The following ADAMTS18 variants were observed in gnomAD, a reference collection of about 807,000 sequenced individuals.
The protein encoded by ADAMTS18 is A disintegrin and metalloproteinase with thrombospondin motifs 18.
Under a neutral mutation model 165.9 loss-of-function variants are expected in ADAMTS18, and 157 were observed. That is an observed-to-expected ratio of 0.95 (90% confidence interval 0.83 to 1.08). The LOEUF (loss-of-function observed/expected upper bound fraction) is 1.08, where lower values mean the gene tolerates loss of function less well. Among genes scored for constraint, ADAMTS18 ranks in the 50% least tolerant of loss-of-function variants. ADAMTS18 has a pLI of 0.00. For synonymous variants in ADAMTS18, 782 were observed against 578.2 expected (o/e 1.35, Z -5.06); for missense variants, 2,040 against 1,534.0 (o/e 1.33, Z -5.51).
In ADAMTS18 at chr16:77,364,386, G is replaced by A. The variant is rs1332199766; in HGVS notation, c.779-5C>T. ...CTGTGGGAGGCTTGGGAGCATCTAC[G>A]ATGAACAGAAGAGCATTTGGAAGGG... On this transcript the variant is annotated splice_polypyrimidine_tract_variant and splice_region_variant and intron_variant, in intron 4 of 22. Transcript: ENST00000282849. 1.1e-5 allele frequency: 17 copies of A among 1,613,358 alleles called. No individual in the cohort carries two copies. The highest frequency in any genetic ancestry group is 6.7e-5 in the African/African-American group (5 of 74,724).
At chr16:77,412,401 G>A (rs1001065219) in intron 3 of ADAMTS18, among the ~76,000 whole-genome samples, 6 of 151,940 alleles carry the variant, frequency 3.9e-5, no homozygotes, top group East Asian at 1.9e-4. Context: ...TCATACTCAC[G>A]GCAGCCTGCA....
At chr16:77,317,191 G>C (rs757274035) in intron 16 of ADAMTS18, among the ~76,000 whole-genome samples, 4 of 152,008 alleles carry the variant, frequency 2.6e-5, no homozygotes, top group Non-Finnish European at 5.9e-5. Context: ...CATTTGTGTA[G>C]TGCTGTACTG....
At chr16:77,421,348 C>G (rs2057600110) in intron 3 of ADAMTS18, among the ~76,000 whole-genome samples, 1 of 152,182 alleles carries the variant, frequency 6.6e-6, no homozygotes, top group Non-Finnish European at 1.5e-5. Flanking sequence ...ATGGGAAAAA[C>G]TTGATGTGAC....
At chr16:77,381,055 G>T (rs2057022973) in intron 3 of ADAMTS18, among the ~76,000 whole-genome samples, 1 of 151,966 alleles carries the variant, frequency 6.6e-6, no homozygotes, top group Non-Finnish European at 1.5e-5. Flanking sequence ...TGTATTTTTA[G>T]TAGAGACGGG....
At chr16:77,387,940 T>C (rs1174802637) in intron 3 of ADAMTS18, among the ~76,000 whole-genome samples, 1 of 152,208 alleles carries the variant, frequency 6.6e-6, no homozygotes, top group Non-Finnish European at 1.5e-5. Flanking sequence ...TCTATGGCGC[T>C]ATCTCTCACC....
Position 77,283,932 on chromosome 16 carries a change from A to C in ADAMTS18, c.*24T>G. The stretch of plus-strand genomic sequence containing the variant: ...GGTTGAAAGGTAAGCCCCTGGCCCT[A>C]AGGTGCTGGGGAGGACACCAAGATC... On this transcript the variant is annotated 3_prime_UTR_variant, in exon 23 of 23. Coordinates refer to ENST00000282849, the MANE Select transcript of ADAMTS18 (RefSeq NM_199355.4). 6.4e-7 allele frequency: 1 copy of C among 1,566,426 alleles called. No homozygotes were observed. Among genetic ancestry groups the C allele is most frequent in the Non-Finnish European group, 8.8e-7 (1 of 1,137,022 alleles).
Position 77,297,349 on chromosome 16 carries a change from C to G in ADAMTS18, c.2741G>C (p.Ser914Thr). The change falls in exon 18 of 23, where the codon AGT (serine) becomes ACT (threonine). Residue 914 changes from serine (S) to threonine (T), a missense_variant. Coordinates refer to ENST00000282849, the MANE Select transcript of ADAMTS18 (RefSeq NM_199355.4). ...QNTQVNSSFCSAKTKPVTEPK... is the reference protein window; with the variant it reads ...QNTQVNSSFCTAKTKPVTEPK... ...CTCAGTTACTGGCTTGGTTTTTGCACTGCAGAATGAGGAATTGACTTGAGT... is the reference window on the plus strand; with the variant it reads ...CTCAGTTACTGGCTTGGTTTTTGCAGTGCAGAATGAGGAATTGACTTGAGT... 1 of 1,614,080 alleles carries G rather than the reference C, an allele frequency of 6.2e-7. No individual in the cohort carries two copies. The highest frequency in any genetic ancestry group is 8.5e-7 in the Non-Finnish European group (1 of 1,179,948).
intron 18 of ADAMTS18, among the ~76,000 whole-genome samples, chr16:77,295,849 T>C (rs28434051): frequency 0.026 from 3,911 of 152,192 alleles, 176 homozygotes; most frequent in African/African-American, 0.09. Context: ...AATTGAAACT[T>C]TTTTTGTTTT....
intron 3 of ADAMTS18, among the ~76,000 whole-genome samples, chr16:77,405,580 T>C (rs79263058): frequency 0.011 from 1,726 of 152,336 alleles, 34 homozygotes; most frequent in African/African-American, 0.039. Flanking sequence ...TGGGAGATCT[T>C]GAGTGATTAA....
intron 12 of ADAMTS18, among the ~76,000 whole-genome samples, chr16:77,334,590 A>C (rs1277921268): frequency 8.9e-6 from 1 of 112,528 alleles, no homozygotes; most frequent in East Asian, 2.6e-4. Flanking sequence ...ATTATAGTAT[A>C]TAGTATATAT....
In ADAMTS18 at chr16:77,291,407, C is replaced by G. The variant is rs1567455703; in HGVS notation, c.3261G>C (p.Lys1087Asn). Residue 1087 changes from lysine to asparagine, a missense_variant, in exon 21 of 23, where the codon AAG becomes AAC. Physicochemically the swap from Lys to Asn is moderately conservative, Grantham distance 94. Coordinates refer to ENST00000282849, the MANE Select transcript of ADAMTS18 (RefSeq NM_199355.4). The stretch of plus-strand genomic sequence containing the variant: ...ATCTTCGCTCTGGGAAAGTTATCAG[C>G]TTTCCCTGGAAGCCCTTCTCGCTGC... ...MKCSEKGFQG[K>N]LITFPERRCR... The G allele has an allele frequency of 6.2e-7, 1 of 1,614,178 alleles. No homozygotes were observed. Among genetic ancestry groups the G allele is most frequent in the African/African-American group, 1.3e-5 (1 of 75,044 alleles).
chr16:77,321,344 T>G, intron 14 of ADAMTS18, 142 bp from the exon 15 acceptor site: 1 of 1,088,984 alleles, frequency 9.2e-7, no homozygotes. Context: ...CAGCCTCAAG[T>G]TGGACTCACT....
At chr16:77,335,660 TAA>T in intron 12 of ADAMTS18, 94 bp downstream of exon 12, 2 of 1,459,342 alleles carry the variant, frequency 1.4e-6, no homozygotes, top group South Asian at 2.3e-5. Context: ...TAATTAAAAA[TAA>T]AAAAATAAAC....
intron 12 of ADAMTS18, among the ~76,000 whole-genome samples, chr16:77,329,487 G>C (rs778452560): frequency 1.1e-4 from 16 of 152,176 alleles, no homozygotes; most frequent in Non-Finnish European, 2.1e-4. Context: ...TTGCAAAATA[G>C]GAACAGTTGT....
At chr16:77,329,556 G>C (rs1340940893) in intron 12 of ADAMTS18, among the ~76,000 whole-genome samples, 1 of 152,106 alleles carries the variant, frequency 6.6e-6, no homozygotes, top group African/African-American at 2.4e-5. Flanking sequence ...GGCAGAGTCA[G>C]AATAAATAAA....
intron 16 of ADAMTS18, among the ~76,000 whole-genome samples, chr16:77,315,210 C>T (rs2173748): frequency 0.51 from 76,789 of 151,752 alleles, 20,142 homozygotes; most frequent in African/African-American, 0.54. Context: ...ATGGAAAATG[C>T]GATGCTTTTG....
chr16:77,365,276 C>G (rs1420783407), intron 4 of ADAMTS18, among the ~76,000 whole-genome samples: 1 of 152,152 alleles, frequency 6.6e-6, no homozygotes, highest in Non-Finnish European at 1.5e-5. Context: ...GCTCATTTTA[C>G]TACTCAAAAA....
At chr16:77,434,319 G>C (rs2057770866) in intron 2 of ADAMTS18, 99 bp downstream of exon 2, 2 of 1,366,554 alleles carry the variant, frequency 1.5e-6, no homozygotes, top group East Asian at 5.0e-5. Flanking sequence ...ACACCTGCCA[G>C]GTTAGGGGGT....
chr16:77,345,841 T>C (rs1431381262), intron 10 of ADAMTS18, among the ~76,000 whole-genome samples: 1 of 152,166 alleles, frequency 6.6e-6, no homozygotes, highest in Non-Finnish European at 1.5e-5. Context: ...GTCAGTCAGC[T>C]CATGGCACTT....
Sources: gnomAD v4.1 joint callset for allele counts (sites outside exome capture counted in the v4.1 genomes callset) on GRCh38, gnomAD v4.1.1 for gene constraint, MANE v1.5 for transcripts, NCBI Gene and HGNC (gene_info 2026-07-23, HGNC 2026-07-21) for gene names.